Variants in PPP1R10 observed in about 807,000 individuals in gnomAD.
PPP1R10 encodes the protein protein phosphatase 1 regulatory subunit 10, also known as serine/threonine-protein phosphatase 1 regulatory subunit 10.
A neutral mutation model predicts 99.0 loss-of-function variants in PPP1R10; 15 were observed. That is an observed-to-expected ratio of 0.15 (90% CI 0.10 to 0.23). PPP1R10 has a LOEUF of 0.23. PPP1R10 is among the 10% of genes least tolerant of loss of function. The probability of loss-of-function intolerance (pLI) is 1.00; values close to 1 mark genes in which losing one functional copy is unlikely to be tolerated. For missense variants in PPP1R10, 947 were observed against 1,259.4 expected, an observed-to-expected ratio of 0.75 and a Z score of 3.75; for synonymous variants, 430 against 449.5, an observed-to-expected ratio of 0.96 and a Z score of 0.55.
chr6:30,603,401 T>A (rs1170275115), intron 16 of PPP1R10, 71 bp downstream of exon 16: 2 of 1,587,440 alleles, frequency 1.3e-6, no homozygotes, highest in Non-Finnish European at 8.6e-7. Context: ...GTAAGGCGAA[T>A]GGGAGACAGT....
rs1397431689 is a variant in PPP1R10 at position 30,606,277 on chromosome 6, T to C, written c.635-34A>G. On this transcript the variant is annotated intron_variant, in intron 8 of 19. Coordinates refer to ENST00000376511, the MANE Select transcript of PPP1R10 (RefSeq NM_002714.4). The surrounding 1 kb of genome is among the most constrained non-coding windows in gnomAD (Gnocchi z 6.3). ...AGAAGCACGGTGTGGGCAGCTGAAC[T>C]CAAACCCCAGACCCCCGAATTTTCC... 5 of 1,608,768 alleles carry C rather than the reference T, an allele frequency of 3.1e-6. No individual in the cohort carries two copies. In the Admixed American group the frequency reaches 8.4e-5, roughly 27 times the overall value.
chr6:30,601,787 T>G (rs1382028037), intron 19 of PPP1R10, 129 bp from the exon 20 acceptor site: 1 of 1,315,934 alleles, frequency 7.6e-7, no homozygotes, highest in East Asian at 2.5e-5. Flanking sequence ...GGGAAGGGCA[T>G]AGAGTAGGAA....
rs755022230 is a variant in PPP1R10 at position 30,602,046 on chromosome 6, C to T, written c.2603G>A (p.Arg868Gln). The change falls in exon 19 of 20, where the codon CGA becomes CAA. Residue 868 changes from arginine to glutamine, a missense_variant. Physicochemically the swap from Arg to Gln is conservative, Grantham distance 43 (BLOSUM62 1). Transcript: ENST00000376511. This position sits in a 1 kb window ranked among gnomAD's most constrained non-coding sequence, Gnocchi z 6.7. ...TGGCGGCCCTCGATGGTCATGGCCT[C>T]GGTGACCAGGGACATCATGAGGCCG... Reference protein sequence around the residue: ...GHRPHDVPGHRGHDHRGPPPH... With the variant: ...GHRPHDVPGHQGHDHRGPPPH... The T allele has an allele frequency of 1.5e-5, 23 of 1,556,366 alleles. No homozygotes were observed. The East Asian group carries it at 4.5e-4, about 31-fold the overall frequency.
chr6:30,603,851 G>A lies in PPP1R10; in HGVS notation c.1509-8C>T, dbSNP rs763633626. The A allele has an allele frequency of 2.7e-5, 41 of 1,531,914 alleles. No homozygotes were observed. The highest frequency in any genetic ancestry group is 3.4e-5 in the Non-Finnish European group (39 of 1,142,586). The allele number at this position is 1,531,914 out of a possible 1,614,324, so 94.9% of individuals were successfully genotyped here. A position where few individuals can be genotyped will look rare whatever the true frequency, so the allele number is the denominator to read the frequency against. ...GGATCAGGCTCATGAGGACTATCAG[G>A]AACAACACAGGTGAGAGAAAAAAGA... On this transcript the variant is annotated splice_polypyrimidine_tract_variant and splice_region_variant and intron_variant, in intron 14 of 19. Coordinates refer to ENST00000376511, the MANE Select transcript of PPP1R10 (RefSeq NM_002714.4).
chr6:30,605,210 C>T (rs1452760440), intron 10 of PPP1R10, 116 bp from the exon 11 acceptor site: 6 of 825,104 alleles, frequency 7.3e-6, no homozygotes, highest in African/African-American at 3.4e-5. Flanking sequence ...ACTTAGGACA[C>T]GATAAGCTCA....
rs1760659526 is a variant in PPP1R10 at position 30,616,994 on chromosome 6, CAAACCTGGGATA to C, written c.-532-8_-529del. 6.6e-6 allele frequency: 1 copy of C among 152,240 alleles called. No homozygotes were observed. Among genetic ancestry groups the C allele is most frequent in the Non-Finnish European group, 1.5e-5 (1 of 68,082 alleles). 9.4% of individuals were successfully genotyped at this position (152,240 alleles called of 1,614,324 possible). A position where few individuals can be genotyped will look rare whatever the true frequency, so the allele number is the denominator to read the frequency against. ...CGGCCTGTCTTTCTCCGAGAAAATT[CAAACCTGGGATA>C]AAAGGAACACAAGGGAGAAAGATGT... On this transcript the variant is annotated splice_acceptor_variant and splice_polypyrimidine_tract_variant and 5_prime_UTR_variant and intron_variant, in exon 2 of 20. Transcript: ENST00000376511. LOFTEE classifies it low-confidence loss of function (5UTR_SPLICE).
chr6:30,601,693 A>G (rs766800155), intron 19 of PPP1R10, 35 bp from the exon 20 acceptor site: 1 of 1,585,048 alleles, frequency 6.3e-7, no homozygotes, highest in Non-Finnish European at 8.7e-7. Flanking sequence ...TAGACAGGAA[A>G]TAGCTGAGGG....
At chr6:30,614,318 G>C (rs1251337389) in intron 2 of PPP1R10, among the ~76,000 whole-genome samples, 5 of 151,808 alleles carry the variant, frequency 3.3e-5, no homozygotes, top group African/African-American at 1.2e-4. Flanking sequence ...AAAAATGAAA[G>C]TTGTGAAATG....
In PPP1R10 at chr6:30,604,791, A is replaced by G; in HGVS notation, c.955-56T>C. 1 of 1,609,188 alleles carries G rather than the reference A, an allele frequency of 6.2e-7. No individual in the cohort carries two copies. Among genetic ancestry groups the G allele is most frequent in the Middle Eastern group, 1.7e-4 (1 of 6,052 alleles). On this transcript the variant is annotated intron_variant, in intron 11 of 19. Transcript: ENST00000376511. This position sits in a 1 kb window ranked among gnomAD's most constrained non-coding sequence, Gnocchi z 7.3. ...TGACTGGAAAGCCAAGGGCAAGGCAATTAGTCCAGGGTCCCAGGCACAGTC... is the reference window on the plus strand; with the variant it reads ...TGACTGGAAAGCCAAGGGCAAGGCAGTTAGTCCAGGGTCCCAGGCACAGTC...
At chr6:30,617,106 G>A (rs1471974785) in intron 1 of PPP1R10, 108 bp from the exon 2 acceptor site, 1 of 152,732 alleles carries the variant, frequency 6.5e-6, no homozygotes, top group Non-Finnish European at 1.5e-5. Context: ...GTCCCATCCT[G>A]ATCGCAACCG....
chr6:30,601,496 A>G lies in PPP1R10; in HGVS notation c.*53T>C, dbSNP rs2127434258. On this transcript the variant is annotated 3_prime_UTR_variant, in exon 20 of 20. Coordinates refer to ENST00000376511, the MANE Select transcript of PPP1R10 (RefSeq NM_002714.4). ...TCACAGAAGCCATAACAGGGTGGAA[A>G]GAGCGAGGCTGCAGTCCACAGGGGT... The G allele has an allele frequency of 6.8e-7, 1 of 1,472,496 alleles. No homozygotes were observed. The highest frequency in any genetic ancestry group is 9.5e-7 in the Non-Finnish European group (1 of 1,055,876). 91.2% of individuals were successfully genotyped at this position (1,472,496 alleles called of 1,614,324 possible).
rs749834932 is a variant in PPP1R10 at position 30,608,891 on chromosome 6, T to C, written c.218A>G (p.Lys73Arg). The C allele has an allele frequency of 1.5e-5, 24 of 1,614,060 alleles. No individual in the cohort carries two copies. Among genetic ancestry groups the C allele is most frequent in the East Asian group, 2.2e-5 (1 of 44,898 alleles). ...LVKFIDVGGY[K>R]LLNNWLTYSK... is the part of the protein sequence containing the mutation. ...ATACGTCAGCCAATTGTTAAGAAGT[T>C]TGTAGCCGCCAACGTCAATAAATCT... Residue 73 changes from lysine (K) to arginine (R), a missense_variant, in exon 5 of 20, where the codon AAA becomes AGA. Coordinates refer to ENST00000376511, the MANE Select transcript of PPP1R10 (RefSeq NM_002714.4).
rs1803207342 is a variant in PPP1R10 at position 30,600,598 on chromosome 6, T to C, written c.*951A>G. The C allele has an allele frequency of 6.6e-6, 1 of 152,592 alleles. No individual in the cohort carries two copies. The highest frequency in any genetic ancestry group is 6.6e-5 in the Admixed American group (1 of 15,264). The allele number at this position is 152,592 out of a possible 1,614,324, so 9.5% of individuals were successfully genotyped here. On this transcript the variant is annotated 3_prime_UTR_variant, in exon 20 of 20. Coordinates refer to ENST00000376511, the MANE Select transcript of PPP1R10 (RefSeq NM_002714.4). The stretch of plus-strand genomic sequence containing the variant: ...ACTGGGAAAGGGCAAAATCATCTTG[T>C]TGAATCCACCCAGGAAGGCGCCTGG...
intron 6 of PPP1R10, 45 bp downstream of exon 6, chr6:30,607,794 GA>G: frequency 6.4e-7 from 1 of 1,562,702 alleles, no homozygotes; most frequent in South Asian, 1.1e-5. Context: ...TAATTAAGTG[GA>G]AGTAATAGAG....
At chr6:30,608,359 T>G (rs1437162295) in intron 5 of PPP1R10, among the ~76,000 whole-genome samples, 1 of 149,466 alleles carries the variant, frequency 6.7e-6, no homozygotes, top group Non-Finnish European at 1.5e-5. Flanking sequence ...TGGAGTGCAG[T>G]GGTGCGATCT....
intron 2 of PPP1R10, among the ~76,000 whole-genome samples, chr6:30,613,187 T>C (rs1804733646): frequency 1.3e-5 from 2 of 152,198 alleles, no homozygotes; most frequent in African/African-American, 4.8e-5. Context: ...AAAATGAATT[T>C]TACTTGAGGG....
Position 30,601,890 on chromosome 6 carries a change from G to T in PPP1R10, c.2713+46C>A, listed in dbSNP as rs559850737. 5.5e-6 allele frequency: 8 copies of T among 1,463,884 alleles called. No homozygotes were observed. In the African/African-American group the frequency reaches 8.5e-5, roughly 16 times the overall value. The allele number at this position is 1,463,884 out of a possible 1,614,324, so 90.7% of individuals were successfully genotyped here. On this transcript the variant is annotated intron_variant, in intron 19 of 19. Coordinates refer to ENST00000376511, the MANE Select transcript of PPP1R10 (RefSeq NM_002714.4). Reference sequence around the variant, plus strand: ...ACTCTCACCCACTCCCCAAAAGCTTGTATGGGACAACCAAAAGGCATATGG... The same window carrying T: ...ACTCTCACCCACTCCCCAAAAGCTTTTATGGGACAACCAAAAGGCATATGG...
chr6:30,602,679 C>A lies in PPP1R10; in HGVS notation c.1970G>T (p.Gly657Val), dbSNP rs1449289035. The A allele has an allele frequency of 3.1e-6, 5 of 1,603,968 alleles. No homozygotes were observed. Among genetic ancestry groups the A allele is most frequent in the Non-Finnish European group, 4.2e-6 (5 of 1,176,990 alleles). ...ACGTGGACCCACTGGCCCACCAGGG[C>A]CTCCATGGGGACCTGTAAGGGGACA... is the stretch of plus-strand genomic sequence containing the variant. Reference protein sequence around the residue: ...PGGPMPGPHGGPGGPVGPRLL... With the variant: ...PGGPMPGPHGVPGGPVGPRLL... The change falls in exon 19 of 20, where the codon GGC (glycine) becomes GTC (valine). Residue 657 changes from glycine (G) to valine (V), a missense_variant. Physicochemically the swap from Gly to Val is moderately radical, Grantham distance 109 (BLOSUM62 -3). Coordinates refer to ENST00000376511, the MANE Select transcript of PPP1R10 (RefSeq NM_002714.4). The surrounding 1 kb of genome is among the most constrained non-coding windows in gnomAD (Gnocchi z 6.7).
chr6:30,611,854 C>T (rs1017638006), intron 2 of PPP1R10, among the ~76,000 whole-genome samples: 4 of 152,136 alleles, frequency 2.6e-5, no homozygotes, highest in African/African-American at 9.7e-5. Flanking sequence ...AAGGAGAATA[C>T]TGGAAAAGAT....
Sources: gnomAD v4.1 joint callset for allele counts (sites outside exome capture counted in the v4.1 genomes callset) on GRCh38, gnomAD v4.1.1 for gene constraint, Gnocchi (gnomAD v3.1) non-coding constraint, MANE v1.5 for transcripts, NCBI Gene and HGNC (gene_info 2026-07-23, HGNC 2026-07-21) for gene names.